Variants in ALPK2 observed in about 807,000 individuals in gnomAD.
ALPK2 encodes alpha kinase 2.
A neutral mutation model predicts 163.1 loss-of-function variants in ALPK2; 127 were observed. The observed-to-expected ratio is 0.78, with a 90% CI of 0.67 to 0.90. The LOEUF (loss-of-function observed/expected upper bound fraction) is 0.90, where lower values mean the gene tolerates loss of function less well. Among genes scored for constraint, ALPK2 ranks in the 40% least tolerant of loss-of-function variants. ALPK2 has a pLI of 0.00. For synonymous variants in ALPK2, 953 were observed against 959.1 expected, an observed-to-expected ratio of 0.99 and a Z score of 0.12; for missense variants, 2,360 against 2,589.6, an observed-to-expected ratio of 0.91 and a Z score of 1.92.
intron 12 of ALPK2, among the ~76,000 whole-genome samples, chr18:58,486,492 C>T (rs2051339671): frequency 6.6e-6 from 1 of 152,182 alleles, no homozygotes; most frequent in South Asian, 2.1e-4. Context: ...CCCAGAACGC[C>T]TGTCCAGGGG....
rs751872060 is a variant in ALPK2, at chr18:58,517,017, G to T, written c.5831C>A (p.Pro1944His). The change falls in exon 9 of 13, where the codon CCT becomes CAT. Residue 1944 changes from proline to histidine, a missense_variant. Physicochemically the swap from Pro to His is moderately conservative, Grantham distance 77. Coordinates refer to ENST00000361673, the MANE Select transcript of ALPK2 (RefSeq NM_052947.4). ...ACAGGCATGGCCAGGTTTGAAGACA[G>T]GCATGAGGCCGTGCATCACTGTGCT... ...FRSTVMHGLMPVFKPGHACVL... is the reference protein window; with the variant it reads ...FRSTVMHGLMHVFKPGHACVL... 2.5e-5 allele frequency: 40 copies of T among 1,614,230 alleles called. No homozygotes were observed. The highest frequency in any genetic ancestry group is 3.3e-5 in the Non-Finnish European group (39 of 1,180,030).
intron 4 of ALPK2, chr18:58,578,577 A>C (rs2051934012): frequency 2.4e-6 from 1 of 410,238 alleles, no homozygotes; most frequent in Non-Finnish European, 4.3e-6. Context: ...TTTTGCTATA[A>C]TTAGGATGGC....
At chr18:58,569,627 A>G (rs1409490539) in intron 4 of ALPK2, among the ~76,000 whole-genome samples, 1 of 152,184 alleles carries the variant, frequency 6.6e-6, no homozygotes, top group African/African-American at 2.4e-5. Context: ...CTCTTTATTG[A>G]TTATTTAACC....
Position 58,607,374 on chromosome 18 carries a change from A to G in ALPK2, c.175T>C (p.Ser59Pro), listed in dbSNP as rs1568099821. 3.7e-6 allele frequency: 6 copies of G among 1,613,782 alleles called. No individual in the cohort carries two copies. The South Asian group carries it at 6.6e-5, about 18-fold the overall frequency. ...GQAIDGSGII[S>P]NYEFFENQYI... ...TGATTCTCAAAGAATTCATAGTTGG[A>G]AATAATGCCACTCCCATCGATGGCC... The change falls in exon 3 of 13, where the codon TCC (serine) becomes CCC (proline). Residue 59 changes from serine to proline, a missense_variant. Physicochemically the swap from Ser to Pro is moderately conservative, Grantham distance 74 (BLOSUM62 -1). Coordinates refer to ENST00000361673, the MANE Select transcript of ALPK2 (RefSeq NM_052947.4).
At chr18:58,504,173 C>A (rs760314309) in intron 10 of ALPK2, 25 bp from the exon 11 acceptor site, 1 of 1,588,430 alleles carries the variant, frequency 6.3e-7, no homozygotes, top group South Asian at 1.1e-5. Flanking sequence ...AACACAGGCG[C>A]ACATCAAGGT....
chr18:58,606,365 C>A (rs1461418768), intron 3 of ALPK2, among the ~76,000 whole-genome samples: 3 of 152,204 alleles, frequency 2.0e-5, no homozygotes, highest in African/African-American at 7.2e-5. Context: ...CAGGCATGAG[C>A]CACCACCATG....
intron 8 of ALPK2, among the ~76,000 whole-genome samples, chr18:58,520,197 T>C (rs1366617332): frequency 1.3e-5 from 2 of 151,684 alleles, no homozygotes; most frequent in Non-Finnish European, 2.9e-5. Context: ...GGAGGCCAAG[T>C]CAGGTGAATC....
At position 58,573,239 on chromosome 18, in the gene ALPK2, T is replaced by TATATGTGTATATATGTAC. The variant is rs2051896182; in HGVS notation, c.1962+5574_1962+5575insGTACATATATACACATAT. Among the ~76,000 whole-genome samples the TATATGTGTATATATGTAC allele has an allele frequency of 2.1e-5, 3 of 144,634 alleles. No homozygotes were observed. In the South Asian group the frequency reaches 6.4e-4, roughly 31 times the overall value. 94.9% of individuals were successfully genotyped at this position (144,634 alleles called of 152,430 possible). A position where few individuals can be genotyped will look rare whatever the true frequency, so the allele number is the denominator to read the frequency against. On this transcript the variant is annotated intron_variant, in intron 4 of 12. Coordinates refer to ENST00000361673, the MANE Select transcript of ALPK2 (RefSeq NM_052947.4). Reference sequence around the variant, plus strand: ...GTATATATATGTGTATATGTGTGTATATATGTGTATATATGTATATATGTG... The same window carrying TATATGTGTATATATGTAC: ...GTATATATATGTGTATATGTGTGTATATATGTGTATATATGTACATATGTGTATATATGTATATATGTG...
At chr18:58,575,387 G>A (rs1166305490) in intron 4 of ALPK2, among the ~76,000 whole-genome samples, 2 of 152,086 alleles carry the variant, frequency 1.3e-5, no homozygotes, top group Admixed American at 6.6e-5. Flanking sequence ...CTTCCATCAC[G>A]GAGCTCAATT....
rs541810269 is a variant in ALPK2 at position 58,607,963 on chromosome 18, A to G, written c.110-524T>C. On this transcript the variant is annotated intron_variant, in intron 2 of 12. Coordinates refer to ENST00000361673, the MANE Select transcript of ALPK2 (RefSeq NM_052947.4). ...GTTATTGTTTATTGCTCTGTAGGAC[A>G]TTAACCAGTGCTACACCTAACCCAG... 5.3e-5 allele frequency among the ~76,000 whole-genome samples: 8 copies of G among 152,334 alleles called. No individual in the cohort carries two copies. The East Asian group carries it at 1.5e-3, about 29-fold the overall frequency.
At chr18:58,497,690 C>A (rs1046707551) in intron 12 of ALPK2, among the ~76,000 whole-genome samples, 3 of 151,994 alleles carry the variant, frequency 2.0e-5, no homozygotes, top group Admixed American at 2.0e-4. Flanking sequence ...AATTTTTTTT[C>A]AAAGAAGCTT....
intron 3 of ALPK2, among the ~76,000 whole-genome samples, chr18:58,586,799 G>A (rs1381095403): frequency 1.3e-5 from 2 of 151,948 alleles, no homozygotes; most frequent in African/African-American, 2.4e-5. Flanking sequence ...CACCATGGCT[G>A]CTTGAGGCAG....
intron 3 of ALPK2, among the ~76,000 whole-genome samples, chr18:58,586,609 C>T (rs1304327594): frequency 6.6e-6 from 1 of 152,160 alleles, no homozygotes; most frequent in Non-Finnish European, 1.5e-5. Flanking sequence ...CCAGTTGGGG[C>T]TCCTTCAAAG....
At chr18:58,495,568 C>G (rs555363064) in intron 12 of ALPK2, among the ~76,000 whole-genome samples, 1 of 152,178 alleles carries the variant, frequency 6.6e-6, no homozygotes, top group African/African-American at 2.4e-5. Context: ...AGCTCCCAGT[C>G]GGTCTGGGTT....
chr18:58,567,692 G>A (rs972960378), intron 4 of ALPK2, among the ~76,000 whole-genome samples: 3 of 152,154 alleles, frequency 2.0e-5, no homozygotes, highest in Admixed American at 2.0e-4. Flanking sequence ...TTTGGCAAAG[G>A]GAACCAGAAT....
chr18:58,582,296 G>C (rs2144201799), intron 3 of ALPK2, among the ~76,000 whole-genome samples: 1 of 152,308 alleles, frequency 6.6e-6, no homozygotes, highest in Middle Eastern at 3.4e-3. Context: ...CCGAGACAAA[G>C]ATATCTCTGG....
intron 4 of ALPK2, among the ~76,000 whole-genome samples, chr18:58,549,987 C>T (rs1278182462): frequency 1.3e-5 from 2 of 152,102 alleles, no homozygotes; most frequent in Admixed American, 6.5e-5. Flanking sequence ...ACTCTGTCTC[C>T]GTCACCTTCC....
intron 1 of ALPK2, among the ~76,000 whole-genome samples, chr18:58,623,810 C>T (rs1175017991): frequency 6.6e-6 from 1 of 152,186 alleles, no homozygotes. Context: ...TGTGGAAGAA[C>T]ATTTTAACTT....
At chr18:58,503,849 T>C in intron 11 of ALPK2, 82 bp downstream of exon 11, 2 of 1,367,250 alleles carry the variant, frequency 1.5e-6, no homozygotes, top group Admixed American at 4.0e-5. Flanking sequence ...CTATCCTTCC[T>C]CTCCCTCCCC....
Sources: allele counts gnomAD v4.1 joint callset (sites outside exome capture counted in the v4.1 genomes callset), GRCh38; gene constraint gnomAD v4.1.1; transcripts MANE v1.5; gene names NCBI Gene and HGNC (gene_info 2026-07-23, HGNC 2026-07-21).